The following PIK3C3 variants were observed in gnomAD, a reference collection of about 807,000 sequenced individuals.
PIK3C3 encodes the protein PI3-kinase type 3.
In PIK3C3, 95 loss-of-function variants were observed where a neutral mutation model predicts 126.1. The ratio of observed to expected loss-of-function variants is 0.75; its 90% CI spans 0.64 to 0.89. The LOEUF (loss-of-function observed/expected upper bound fraction) is 0.89, where lower values mean the gene tolerates loss of function less well. Ranked by LOEUF, PIK3C3 falls within the 40% of genes least tolerant of loss-of-function variation. The pLI is 0.00. For missense variants in PIK3C3, 829 were observed against 1,063.2 expected (o/e 0.78, Z 3.06); for synonymous variants, 374 against 360.0 (o/e 1.04, Z -0.44).
In PIK3C3 at chr18:42,082,072, C is replaced by G. The variant is rs752341671; in HGVS notation, c.*935C>G. The G allele has an allele frequency of 5.2e-4, 79 of 152,144 alleles. No homozygotes were observed. The highest frequency in any genetic ancestry group is 1.1e-3 in the Non-Finnish European group (73 of 67,972). The allele number at this position is 152,144 out of a possible 1,614,324, so 9.4% of individuals were successfully genotyped here. ...GCAAAATTTTTTTTGTCTTTTAAGA[C>G]TAGAACTAATCCCTCTAGCTTTTTT... On this transcript the variant is annotated 3_prime_UTR_variant, in exon 25 of 25. Coordinates refer to ENST00000262039, the MANE Select transcript of PIK3C3 (RefSeq NM_002647.4).
Position 41,987,794 on chromosome 18 carries a change from A to G in PIK3C3, c.532-18A>G, listed in dbSNP as rs767228146. ...CTAGATGTATATTAAAATTTTCGTC[A>G]TTGTATTTATTCTGCAGCTCACCAA... On this transcript the variant is annotated intron_variant, in intron 4 of 24. Transcript: ENST00000262039. 2.0e-5 allele frequency: 31 copies of G among 1,581,496 alleles called. No homozygotes were observed. In the South Asian group the frequency reaches 2.4e-4, roughly 12 times the overall value.
intron 21 of PIK3C3, among the ~76,000 whole-genome samples, chr18:42,052,004 TAAAA>T (rs1025016328): frequency 2.6e-5 from 4 of 151,580 alleles, no homozygotes; most frequent in Admixed American, 6.6e-5. Context: ...ATAAAATAAA[TAAAA>T]AAGAATTTGC....
At chr18:41,981,774 A>G (rs1981212274) in intron 4 of PIK3C3, among the ~76,000 whole-genome samples, 1 of 151,434 alleles carries the variant, frequency 6.6e-6, no homozygotes, top group Non-Finnish European at 1.5e-5. Context: ...AGCCTGGTCA[A>G]CATGGTGAAA....
rs935217542 is a variant in PIK3C3 at position 42,031,264 on chromosome 18, T to C, written c.1707+1823T>C. 3.9e-5 allele frequency among the ~76,000 whole-genome samples: 6 copies of C among 152,224 alleles called. No homozygotes were observed. The East Asian group carries it at 1.2e-3, about 29-fold the overall frequency. ...AGCTATATCACAGTGGGTATAACAG[T>C]GTTAGATCTGTGGCAGAGTAATCCC... On this transcript the variant is annotated intron_variant, in intron 15 of 24. Coordinates refer to ENST00000262039, the MANE Select transcript of PIK3C3 (RefSeq NM_002647.4).
rs757293602 is a variant in PIK3C3, at chr18:42,049,522, TTAC to T, written c.2189-7_2189-5del. ...TGTTTTCACATATTTTTTTTAACTG[TTAC>T]TGCAGCTGGATATTGCGTGATCACC... On this transcript the variant is annotated splice_polypyrimidine_tract_variant and splice_region_variant and intron_variant, in intron 20 of 24. Coordinates refer to ENST00000262039, the MANE Select transcript of PIK3C3 (RefSeq NM_002647.4). 6.2e-7 allele frequency: 1 copy of T among 1,608,846 alleles called. No individual in the cohort carries two copies. Among genetic ancestry groups the T allele is most frequent in the Non-Finnish European group, 8.5e-7 (1 of 1,175,648 alleles).
At chr18:41,978,338 A>G (rs941412884) in intron 4 of PIK3C3, among the ~76,000 whole-genome samples, 4 of 152,238 alleles carry the variant, frequency 2.6e-5, no homozygotes, top group Non-Finnish European at 4.4e-5. Context: ...AAGATGTCAC[A>G]TTATACTTTG....
chr18:42,025,153 G>C (rs1262714357), intron 13 of PIK3C3, among the ~76,000 whole-genome samples: 1 of 152,090 alleles, frequency 6.6e-6, no homozygotes. Context: ...CAGCCATAGT[G>C]TTTACTTGGT....
In PIK3C3 at chr18:42,043,791, TC is replaced by T. The variant is rs770560898; in HGVS notation, c.2163del (p.Met722TrpfsTer13). 6.2e-7 allele frequency: 1 copy of T among 1,612,864 alleles called. No individual in the cohort carries two copies. Among genetic ancestry groups the T allele is most frequent in the South Asian group, 1.1e-5 (1 of 91,014 alleles). ...GGGCCAAATGGGATTAGTGCTGAGGTCATGGACACTTACGTTAAAAGCTGTG... is the reference window on the plus strand; with the variant it reads ...GGGCCAAATGGGATTAGTGCTGAGGTATGGACACTTACGTTAAAAGCTGTG... ...ENGPNGISAEVMDTYVKSCAG... is the reference protein window; with the variant it reads ...ENGPNGISAEXMDTYVKSCAG... On this transcript the variant is annotated frameshift_variant, in exon 20 of 25. Transcript: ENST00000262039. LOFTEE classifies it high-confidence loss of function.
At chr18:41,992,961 C>T (rs749614508) in intron 6 of PIK3C3, among the ~76,000 whole-genome samples, 91 of 152,042 alleles carry the variant, frequency 6.0e-4, no homozygotes, top group Middle Eastern at 3.4e-3. Flanking sequence ...TTTAAAAATC[C>T]ACTGTCATTA....
At chr18:42,021,964 C>G (rs1337384725) in intron 13 of PIK3C3, among the ~76,000 whole-genome samples, 1 of 152,086 alleles carries the variant, frequency 6.6e-6, no homozygotes, top group African/African-American at 2.4e-5. Context: ...AGGTATTTTG[C>G]TTTTTGTGAG....
At chr18:42,062,353 C>T (rs1355060462) in intron 22 of PIK3C3, among the ~76,000 whole-genome samples, 2 of 151,946 alleles carry the variant, frequency 1.3e-5, no homozygotes, top group African/African-American at 4.8e-5. Context: ...CTTATCTAAC[C>T]TGTGGCCCCC....
chr18:42,041,373 C>G (rs967918473), intron 19 of PIK3C3, among the ~76,000 whole-genome samples: 1 of 152,000 alleles, frequency 6.6e-6, no homozygotes, highest in Non-Finnish European at 1.5e-5. Context: ...TGTTGCTCAT[C>G]TGTCTTTTGT....
At chr18:42,006,597 T>C (rs924415483) in intron 10 of PIK3C3, among the ~76,000 whole-genome samples, 1 of 152,160 alleles carries the variant, frequency 6.6e-6, no homozygotes, top group African/African-American at 2.4e-5. Context: ...TGAAAGGGGC[T>C]TGTTAGGAAT....
At chr18:42,034,077 G>A (rs756525930) in intron 16 of PIK3C3, 120 bp downstream of exon 16, 2 of 596,826 alleles carry the variant, frequency 3.4e-6, no homozygotes, top group Non-Finnish European at 5.3e-6. Context: ...AGTTGATTTA[G>A]TAAATGCTAG....
At chr18:42,058,746 A>G (rs1391451509) in intron 22 of PIK3C3, among the ~76,000 whole-genome samples, 1 of 152,190 alleles carries the variant, frequency 6.6e-6, no homozygotes, top group East Asian at 1.9e-4. Flanking sequence ...GTCATCAGGA[A>G]GAAAAATAAA....
At position 41,957,654 on chromosome 18, in the gene PIK3C3, A is replaced by G. The variant is rs759445695; in HGVS notation, c.153A>G (p.Gln51=). Residue 51 remains glutamine (Q), a synonymous_variant, in exon 2 of 25, where the codon CAA becomes CAG. Coordinates refer to ENST00000262039, the MANE Select transcript of PIK3C3 (RefSeq NM_002647.4). ...TGTTGAAGTTCTCAGGACTATATCA[A>G]GAGACATGCTCTGATCTTTATGTTA... ...DPMLKFSGLY[Q]ETCSDLYVTC... is the part of the protein sequence containing the mutation. The G allele has an allele frequency of 2.5e-6, 4 of 1,613,978 alleles. No homozygotes were observed. Among genetic ancestry groups the G allele is most frequent in the Non-Finnish European group, 3.4e-6 (4 of 1,179,902 alleles).
At chr18:42,078,691 GTTAC>G (rs1405074709) in intron 24 of PIK3C3, among the ~76,000 whole-genome samples, 1 of 152,190 alleles carries the variant, frequency 6.6e-6, no homozygotes, top group Non-Finnish European at 1.5e-5. Flanking sequence ...TTGAAAACCT[GTTAC>G]TTAGTCACCT....
intron 2 of PIK3C3, among the ~76,000 whole-genome samples, chr18:41,960,997 C>A (rs1980056727): frequency 6.6e-6 from 1 of 152,038 alleles, no homozygotes; most frequent in Non-Finnish European, 1.5e-5. Flanking sequence ...CTGCCTCGGC[C>A]TCCCAAAGTA....
chr18:42,037,508 G>C (rs887942250), intron 16 of PIK3C3, among the ~76,000 whole-genome samples, 184 bp from the exon 17 acceptor site: 4 of 152,122 alleles, frequency 2.6e-5, no homozygotes, highest in African/African-American at 9.7e-5. Context: ...GTAGTCTTCT[G>C]ACTACTAGCT....
Sources: gnomAD v4.1 joint callset for allele counts (sites outside exome capture counted in the v4.1 genomes callset) on GRCh38, gnomAD v4.1.1 for gene constraint, MANE v1.5 for transcripts, NCBI Gene and HGNC (gene_info 2026-07-23, HGNC 2026-07-21) for gene names.